MFF: variants seen among roughly 807,000 people sequenced by gnomAD.
MFF encodes chromosome 2 open reading frame 33.
Under a neutral mutation model 36.9 loss-of-function variants are expected in MFF, and 12 were observed. That is an observed-to-expected ratio of 0.33 (90% CI 0.21 to 0.53). The LOEUF (loss-of-function observed/expected upper bound fraction) is 0.53, where lower values mean the gene tolerates loss of function less well. Ranked by LOEUF, MFF falls within the 20% of genes least tolerant of loss-of-function variation. The pLI, the probability that MFF is intolerant of heterozygous loss-of-function variation, is 0.95. For synonymous variants in MFF, 99 were observed against 126.2 expected, an observed-to-expected ratio of 0.78 and a Z score of 1.44; for missense variants, 348 against 366.6, an observed-to-expected ratio of 0.95 and a Z score of 0.42.
chr2:227,354,338 C>T (rs1161806795), intron 7 of MFF, among the ~76,000 whole-genome samples: 3 of 152,114 alleles, frequency 2.0e-5, no homozygotes, highest in African/African-American at 7.2e-5. Context: ...TGGGTATGTA[C>T]TTTTTGTAGT....
At chr2:227,326,231 A>G (rs2074114423) in intron 1 of MFF, among the ~76,000 whole-genome samples, 1 of 151,968 alleles carries the variant, frequency 6.6e-6, no homozygotes. Context: ...AAGGGGAAAA[A>G]AAAAAAAAAG....
In MFF at chr2:227,355,682, G is replaced by T. The variant is rs899746608; in HGVS notation, c.665G>T (p.Gly222Val). Residue 222 changes from glycine (G) to valine (V), a missense_variant, in exon 8 of 9, where the codon GGC (glycine) becomes GTC (valine). Transcript: ENST00000304593. The stretch of plus-strand genomic sequence containing the variant: ...TTTCTATCTCTTATCTGCAGGTATG[G>T]CATTTCAAATATAGATACAACCATT... Reference protein sequence around the residue: ...SNPHHDNVRYGISNIDTTIEG... With the variant: ...SNPHHDNVRYVISNIDTTIEG... 1.3e-6 allele frequency: 2 copies of T among 1,599,154 alleles called. No homozygotes were observed. Among genetic ancestry groups the T allele is most frequent in the East Asian group, 2.2e-5 (1 of 44,732 alleles).
chr2:227,338,321 A>G (rs1379695813), intron 4 of MFF, among the ~76,000 whole-genome samples: 1 of 151,274 alleles, frequency 6.6e-6, no homozygotes, highest in South Asian at 2.1e-4. Context: ...GTGAGCTGAA[A>G]TAGCACCATT....
intron 5 of MFF, among the ~76,000 whole-genome samples, chr2:227,345,303 T>C (rs2075648554): frequency 6.6e-6 from 1 of 152,218 alleles, no homozygotes; most frequent in South Asian, 2.1e-4. Context: ...TTTTCATGGA[T>C]TTGAGTTTAG....
chr2:227,349,165 A>G (rs908470728), intron 6 of MFF, among the ~76,000 whole-genome samples: 4 of 151,992 alleles, frequency 2.6e-5, no homozygotes, highest in Non-Finnish European at 4.4e-5. Flanking sequence ...TTAAAATTAT[A>G]TGTCCCAAAA....
At chr2:227,335,169 C>T in intron 4 of MFF, among the ~76,000 whole-genome samples, 1 of 28,624 alleles carries the variant, frequency 3.5e-5, no homozygotes, top group South Asian at 1.5e-3. Context: ...GACTCTGTCT[C>T]TCAAAAAAAA....
At chr2:227,344,636 A>G (rs1163140955) in intron 5 of MFF, among the ~76,000 whole-genome samples, 1 of 152,216 alleles carries the variant, frequency 6.6e-6, no homozygotes, top group Non-Finnish European at 1.5e-5. Context: ...GGCAGTCTTA[A>G]TGGTGATTTA....
Position 227,340,193 on chromosome 2 carries a change from T to G in MFF, c.352-99T>G. On this transcript the variant is annotated intron_variant, in intron 4 of 8. Coordinates refer to ENST00000304593, the MANE Select transcript of MFF (RefSeq NM_001277062.2). ...TTGCCTTTTCTTAGTTCGTTGTAAG[T>G]TTTTTGAGTAGCCTTGTATCGAGGT... is the stretch of plus-strand genomic sequence containing the variant. 4.2e-6 allele frequency: 4 copies of G among 943,952 alleles called. No individual in the cohort carries two copies. The South Asian group carries it at 6.6e-5, about 16-fold the overall frequency. The allele number at this position is 943,952 out of a possible 1,614,324, so 58.5% of individuals were successfully genotyped here. A position where few individuals can be genotyped will look rare whatever the true frequency, so the allele number is the denominator to read the frequency against.
chr2:227,349,373 T>A (rs188912303), intron 6 of MFF, among the ~76,000 whole-genome samples: 128 of 152,184 alleles, frequency 8.4e-4, no homozygotes, highest in Non-Finnish European at 1.5e-3. Flanking sequence ...TGAAAAATAT[T>A]TTTGGACTTT....
intron 5 of MFF, among the ~76,000 whole-genome samples, chr2:227,341,447 G>A (rs918650301): frequency 9.9e-5 from 15 of 152,070 alleles, no homozygotes; most frequent in African/African-American, 3.4e-4. Context: ...TATCTCCTAA[G>A]GTAGTTAAAA....
chr2:227,329,961 G>T (rs2074455348), intron 2 of MFF: 2 of 430,390 alleles, frequency 4.6e-6, no homozygotes, highest in African/African-American at 4.1e-5. Context: ...ATTAAATACA[G>T]ATTAATAGTG....
chr2:227,338,619 T>G (rs960125240), intron 4 of MFF, among the ~76,000 whole-genome samples: 3 of 151,056 alleles, frequency 2.0e-5, no homozygotes, highest in East Asian at 4.0e-4. Flanking sequence ...ATCATGAGAT[T>G]AGGAGTTCGA....
At chr2:227,339,844 C>T (rs1354808541) in intron 4 of MFF, among the ~76,000 whole-genome samples, 1 of 152,190 alleles carries the variant, frequency 6.6e-6, no homozygotes, top group African/African-American at 2.4e-5. Flanking sequence ...GTCTAGTTTT[C>T]AAATATTCAA....
chr2:227,344,890 T>C (rs73994250), intron 5 of MFF, among the ~76,000 whole-genome samples: 15,132 of 152,228 alleles, frequency 0.099, 1,210 homozygotes, highest in African/African-American at 0.21. Flanking sequence ...GAAATAAATA[T>C]CTTTACTAGT....
At chr2:227,347,030 TA>T (rs2075747799) in intron 5 of MFF, 195 bp from the exon 6 acceptor site, 1 of 504,332 alleles carries the variant, frequency 2.0e-6, no homozygotes, top group Admixed American at 3.2e-5. Context: ...GTTACAAAGT[TA>T]TAAGTGCTGC....
intron 2 of MFF, chr2:227,329,848 A>G: frequency 9.1e-7 from 1 of 1,104,350 alleles, no homozygotes; most frequent in Non-Finnish European, 1.3e-6. Flanking sequence ...TTTAAAGCTT[A>G]CTGCCGTAGG....
intron 2 of MFF, chr2:227,330,221 T>C (rs543468852): frequency 6.1e-4 from 108 of 175,720 alleles, no homozygotes; most frequent in Non-Finnish European, 1.1e-3. Context: ...CAGTAATTTT[T>C]AATTTTATAT....
intron 4 of MFF, among the ~76,000 whole-genome samples, chr2:227,333,188 C>A (rs1300923333): frequency 6.6e-6 from 1 of 152,206 alleles, no homozygotes; most frequent in East Asian, 1.9e-4. Context: ...TTTTGAACTT[C>A]TAACATGTTG....
At chr2:227,346,647 AT>A (rs1304077924) in intron 5 of MFF, 2 of 152,252 alleles carry the variant, frequency 1.3e-5, no homozygotes, top group African/African-American at 4.8e-5. Flanking sequence ...GCTTACTATA[AT>A]TAAACAATCA....
Sources: gnomAD v4.1 joint callset for allele counts (sites outside exome capture counted in the v4.1 genomes callset) on GRCh38, gnomAD v4.1.1 for gene constraint, MANE v1.5 for transcripts, NCBI Gene and HGNC (gene_info 2026-07-23, HGNC 2026-07-21) for gene names.